The following VPS8 variants were observed in gnomAD, a reference collection of about 807,000 sequenced individuals.
The protein encoded by VPS8 is VPS8 subunit of CORVET complex.
In VPS8, 129 loss-of-function variants were observed where a neutral mutation model predicts 216.4. The observed-to-expected ratio is 0.60, with a 90% CI of 0.52 to 0.69. The LOEUF (loss-of-function observed/expected upper bound fraction) is 0.69. Among genes scored for constraint, VPS8 ranks in the 30% least tolerant of loss-of-function variants. The probability of loss-of-function intolerance (pLI) is 0.00; values close to 1 mark genes in which losing one functional copy is unlikely to be tolerated. For synonymous variants in VPS8, 571 were observed against 565.4 expected, an observed-to-expected ratio of 1.01 and a Z score of -0.14; for missense variants, 1,531 against 1,683.5, an observed-to-expected ratio of 0.91 and a Z score of 1.59.
rs182452550 is a variant in VPS8, at chr3:184,886,106, A to G, written c.1735-4A>G. 1,352 of 1,608,396 alleles carry G rather than the reference A, an allele frequency of 8.4e-4. No homozygotes were observed. Among genetic ancestry groups the G allele is most frequent in the Non-Finnish European group, 1.1e-3 (1,272 of 1,177,288 alleles). On this transcript the variant is annotated splice_region_variant and splice_polypyrimidine_tract_variant and intron_variant, in intron 21 of 47. Transcript: ENST00000625842. ...CTGATGCTTTCTTTATGGTTCCTCT[A>G]CAGGATATGGTGCCTGTCATAGTTG...
chr3:185,018,609 G>C (rs1756176641), intron 45 of VPS8, among the ~76,000 whole-genome samples: 2 of 152,216 alleles, frequency 1.3e-5, no homozygotes, highest in African/African-American at 2.4e-5. Context: ...GAGCGTCCCA[G>C]TCAGTAGGAA....
intron 40 of VPS8, among the ~76,000 whole-genome samples, chr3:184,972,999 A>G (rs1748673360): frequency 6.6e-6 from 1 of 152,196 alleles, no homozygotes; most frequent in Non-Finnish European, 1.5e-5. Context: ...TTCTTCTGAG[A>G]TGAGTAAATT....
intron 35 of VPS8, among the ~76,000 whole-genome samples, chr3:184,938,641 CTTTTTTTCTT>C (rs1437661724): frequency 7.2e-6 from 1 of 138,130 alleles, no homozygotes; most frequent in African/African-American, 3.1e-5. Context: ...CTTTTCTTTT[CTTTTTTTCTT>C]TTTTTTTTTT....
rs1260031999 is a variant in VPS8 at position 184,924,516 on chromosome 3, CA to C, written c.2455-334del. On this transcript the variant is annotated intron_variant, in intron 29 of 47. Coordinates refer to ENST00000625842, the MANE Select transcript of VPS8 (RefSeq NM_001009921.3). ...TGGGCAACAGAACGAGACTCCATCTCAAAAAAAAAAAATTAGTTGTAGAAGG... is the reference window on the plus strand; with the variant it reads ...TGGGCAACAGAACGAGACTCCATCTCAAAAAAAAAAATTAGTTGTAGAAGG... Among the ~76,000 whole-genome samples the C allele has an allele frequency of 5.1e-4, 71 of 138,656 alleles. 1 individual carries two copies. The highest frequency in any genetic ancestry group is 2.8e-3 in the South Asian group (12 of 4,314). 91.0% of individuals were successfully genotyped at this position (138,656 alleles called of 152,430 possible). A position where few individuals can be genotyped will look rare whatever the true frequency, so the allele number is the denominator to read the frequency against.
At chr3:184,905,096 C>T (rs2109014272) in intron 25 of VPS8, among the ~76,000 whole-genome samples, 1 of 152,184 alleles carries the variant, frequency 6.6e-6, no homozygotes, top group Non-Finnish European at 1.5e-5. Flanking sequence ...AAAGAGTGAA[C>T]CCAGTCCATC....
rs561245690 is a variant in VPS8, at chr3:185,003,721, A to T, written c.4002+3860A>T. Among the ~76,000 whole-genome samples, 564 of 151,928 alleles carry T rather than the reference A, an allele frequency of 3.7e-3. 3 individuals carry two copies. Among genetic ancestry groups the T allele is most frequent in the African/African-American group, 0.013 (541 of 41,404 alleles). On this transcript the variant is annotated intron_variant, in intron 45 of 47. Transcript: ENST00000625842. ...GGCAGAGTGGCTCCTCACTTCCCAG[A>T]CGGGGTGGCTGCTGGGCGGAGGGGC... is the stretch of plus-strand genomic sequence containing the variant.
chr3:185,044,295 G>C (rs1712358372), intron 46 of VPS8, among the ~76,000 whole-genome samples: 2 of 152,152 alleles, frequency 1.3e-5, no homozygotes, highest in African/African-American at 4.8e-5. Flanking sequence ...ATTCAGATCT[G>C]GGCTCCACCA....
intron 1 of VPS8, chr3:184,824,095 G>C (rs1718191855): frequency 6.6e-6 from 1 of 152,594 alleles, no homozygotes; most frequent in Admixed American, 6.5e-5. Flanking sequence ...AGAGACGTCT[G>C]TGGCCCTGTG....
At position 185,043,536 on chromosome 3, in the gene VPS8, G is replaced by A. The variant is rs535477790; in HGVS notation, c.4057-4943G>A. ...CAAGTTCAGACTTTTTTCTGTGATGGCAGAAGGCATTCGTGAACGCCTAGT... is the reference window on the plus strand; with the variant it reads ...CAAGTTCAGACTTTTTTCTGTGATGACAGAAGGCATTCGTGAACGCCTAGT... On this transcript the variant is annotated intron_variant, in intron 46 of 47. Coordinates refer to ENST00000625842, the MANE Select transcript of VPS8 (RefSeq NM_001009921.3). Among the ~76,000 whole-genome samples, 3 of 152,282 alleles carry A rather than the reference G, an allele frequency of 2.0e-5. No individual in the cohort carries two copies. In the South Asian group the frequency reaches 6.2e-4, roughly 32 times the overall value.
At chr3:184,998,248 T>C (rs937433162) in intron 44 of VPS8, among the ~76,000 whole-genome samples, 1 of 152,118 alleles carries the variant, frequency 6.6e-6, no homozygotes, top group African/African-American at 2.4e-5. Context: ...TAAGGATTAC[T>C]CTGACTGCTG....
chr3:185,023,225 A>G (rs1036523649), intron 45 of VPS8, among the ~76,000 whole-genome samples: 2 of 144,360 alleles, frequency 1.4e-5, no homozygotes, highest in African/African-American at 2.9e-5. Flanking sequence ...TATAAAATAG[A>G]TATACTTTTT....
At chr3:184,873,553 G>C (rs1362363131) in intron 21 of VPS8, among the ~76,000 whole-genome samples, 7 of 152,092 alleles carry the variant, frequency 4.6e-5, no homozygotes, top group African/African-American at 1.4e-4. Flanking sequence ...TAAATTATTT[G>C]TTCCAGGTCA....
intron 45 of VPS8, among the ~76,000 whole-genome samples, chr3:185,019,071 C>T (rs1334785138): frequency 6.6e-6 from 1 of 152,186 alleles, no homozygotes; most frequent in Admixed American, 6.5e-5. Flanking sequence ...TCGTTGTACT[C>T]TCCTTCCTCC....
At chr3:184,982,450 T>C in intron 40 of VPS8, 116 bp from the exon 41 acceptor site, 1 of 640,414 alleles carries the variant, frequency 1.6e-6, no homozygotes, top group Non-Finnish European at 2.7e-6. Flanking sequence ...CCAACAAATG[T>C]ATGTGAGAAG....
intron 23 of VPS8, among the ~76,000 whole-genome samples, chr3:184,897,438 C>A (rs1274665625): frequency 6.6e-6 from 1 of 152,096 alleles, no homozygotes. Context: ...TAAGGCAGGT[C>A]TAAGTTTGAG....
chr3:185,019,611 G>A (rs1366538378), intron 45 of VPS8, among the ~76,000 whole-genome samples: 1 of 152,238 alleles, frequency 6.6e-6, no homozygotes, highest in Admixed American at 6.5e-5. Context: ...TCATGCTATT[G>A]TTTGGGGTTT....
At chr3:184,929,948 A>G (rs1740391629) in intron 33 of VPS8, among the ~76,000 whole-genome samples, 1 of 152,220 alleles carries the variant, frequency 6.6e-6, no homozygotes, top group Admixed American at 6.5e-5. Flanking sequence ...GTAGCCAGGG[A>G]AGGAATTTCA....
chr3:184,974,026 G>A (rs1748859539), intron 40 of VPS8, among the ~76,000 whole-genome samples: 1 of 152,162 alleles, frequency 6.6e-6, no homozygotes, highest in East Asian at 1.9e-4. Flanking sequence ...GTGTCCCTTT[G>A]ATATACTGAT....
intron 38 of VPS8, among the ~76,000 whole-genome samples, chr3:184,965,405 TAAGAGTA>T (rs1560898354): frequency 6.6e-6 from 1 of 152,184 alleles, no homozygotes; most frequent in African/African-American, 2.4e-5. Context: ...AAGGAATAAA[TAAGAGTA>T]TTTCTGACAT....
Sources: gnomAD v4.1 joint callset for allele counts (sites outside exome capture counted in the v4.1 genomes callset) on GRCh38, gnomAD v4.1.1 for gene constraint, MANE v1.5 for transcripts, NCBI Gene and HGNC (gene_info 2026-07-23, HGNC 2026-07-21) for gene names.